Variants in CLIC4 observed in about 807,000 individuals in gnomAD.
CLIC4 encodes the protein CLIC family member 4, also known as chloride intracellular channel protein 4.
Under a neutral mutation model 24.6 loss-of-function variants are expected in CLIC4, and 13 were observed. The observed-to-expected ratio is 0.53, with a 90% CI of 0.34 to 0.84. CLIC4 has a LOEUF of 0.84. Among genes scored for constraint, CLIC4 ranks in the 40% least tolerant of loss-of-function variants. CLIC4 has a pLI of 0.01. For missense variants in CLIC4, 227 were observed against 301.7 expected, an observed-to-expected ratio of 0.75 and a Z score of 1.83; for synonymous variants, 104 against 111.3, an observed-to-expected ratio of 0.93 and a Z score of 0.41.
chr1:24,745,703 C>T (rs1638679870), intron 1 of CLIC4, 78 bp downstream of exon 1: 9 of 1,204,466 alleles, frequency 7.5e-6, no homozygotes, highest in Non-Finnish European at 1.0e-5. Context: ...TCCCGGGGCT[C>T]TCCTGAGGCG....
chr1:24,822,402 G>A (rs1207260691), intron 3 of CLIC4, among the ~76,000 whole-genome samples: 1 of 136,982 alleles, frequency 7.3e-6, no homozygotes, highest in African/African-American at 2.8e-5. Flanking sequence ...AGGCTGGAGT[G>A]CAGTGGCAGC....
chr1:24,815,880 C>G (rs758762180), intron 3 of CLIC4, among the ~76,000 whole-genome samples: 4 of 152,166 alleles, frequency 2.6e-5, no homozygotes, highest in Non-Finnish European at 5.9e-5. Context: ...AACCCTCCTG[C>G]TGTTTTAACA....
Position 24,840,798 on chromosome 1 carries a change from T to C in CLIC4, c.623T>C (p.Phe208Ser). 6.2e-7 allele frequency: 1 copy of C among 1,606,906 alleles called. No homozygotes were observed. ...GTGGTGGCCAAAAAATATCGCAACTTTGATATTCCAAAAGAAATGACTGGC... is the reference window on the plus strand; with the variant it reads ...GTGGTGGCCAAAAAATATCGCAACTCTGATATTCCAAAAGAAATGACTGGC... ...VKVVAKKYRNFDIPKEMTGIW... is the reference protein window; with the variant it reads ...VKVVAKKYRNSDIPKEMTGIW... Residue 208 changes from phenylalanine to serine, a missense_variant, in exon 6 of 6, where the codon TTT becomes TCT. Phe to Ser is a radical substitution (Grantham distance 155). Coordinates refer to ENST00000374379, the MANE Select transcript of CLIC4 (RefSeq NM_013943.3).
intron 1 of CLIC4, among the ~76,000 whole-genome samples, chr1:24,756,034 C>T (rs1227271023): frequency 8.0e-6 from 1 of 125,276 alleles, no homozygotes; most frequent in African/African-American, 3.1e-5. Context: ...GAGTCTTGCT[C>T]TGTCGCCCAG....
At chr1:24,789,461 T>A (rs930695317) in intron 1 of CLIC4, among the ~76,000 whole-genome samples, 19 of 152,308 alleles carry the variant, frequency 1.2e-4, no homozygotes, top group African/African-American at 4.6e-4. Context: ...GAGGTTGCAG[T>A]GAGCCGTGAT....
rs760478068 is a variant in CLIC4 at position 24,814,240 on chromosome 1, G to T, written c.308+21G>T. The T allele has an allele frequency of 8.1e-6, 13 of 1,599,684 alleles. No homozygotes were observed. The East Asian group carries it at 1.1e-4, about 14-fold the overall frequency. On this transcript the variant is annotated intron_variant, in intron 3 of 5. Coordinates refer to ENST00000374379, the MANE Select transcript of CLIC4 (RefSeq NM_013943.3). The stretch of plus-strand genomic sequence containing the variant: ...CCCAAGTGAGTATCAAGGAAAATAC[G>T]TATGAAAATATTGTCACTTCTTTGA...
chr1:24,761,521 C>A (rs1638927873), intron 1 of CLIC4, among the ~76,000 whole-genome samples: 1 of 152,056 alleles, frequency 6.6e-6, no homozygotes, highest in Non-Finnish European at 1.5e-5. Context: ...AAACAGAGAA[C>A]AAAAGTGAGC....
At chr1:24,758,187 A>T (rs1355620284) in intron 1 of CLIC4, among the ~76,000 whole-genome samples, 2 of 152,132 alleles carry the variant, frequency 1.3e-5, no homozygotes, top group East Asian at 3.8e-4. Flanking sequence ...TCTTTTTTCC[A>T]GTTATAAAAG....
At chr1:24,792,750 T>C (rs1442772851) in intron 1 of CLIC4, among the ~76,000 whole-genome samples, 1 of 152,212 alleles carries the variant, frequency 6.6e-6, no homozygotes, top group East Asian at 1.9e-4. Context: ...GCTTCTGATA[T>C]ACCTGAAACA....
chr1:24,818,779 T>TA (rs1639696632), intron 3 of CLIC4, among the ~76,000 whole-genome samples: 1 of 150,138 alleles, frequency 6.7e-6, no homozygotes, highest in Non-Finnish European at 1.5e-5. Context: ...GGAAAGGCTT[T>TA]AGAGAAGAGA....
At chr1:24,796,656 A>G (rs1301278810) in intron 1 of CLIC4, among the ~76,000 whole-genome samples, 1 of 152,240 alleles carries the variant, frequency 6.6e-6, no homozygotes, top group Non-Finnish European at 1.5e-5. Flanking sequence ...GTAGTAGGCT[A>G]TCTCATCTAG....
intron 1 of CLIC4, among the ~76,000 whole-genome samples, chr1:24,789,780 T>C (rs1173935908): frequency 6.6e-6 from 1 of 152,100 alleles, no homozygotes; most frequent in Admixed American, 6.6e-5. Context: ...CTGACATACA[T>C]CTTCTATTTT....
At chr1:24,835,171 C>T (rs7555134) in intron 4 of CLIC4, among the ~76,000 whole-genome samples, 50,824 of 152,088 alleles carry the variant, frequency 0.33, 8,851 homozygotes, top group Middle Eastern at 0.51. Flanking sequence ...CTATGGCTAG[C>T]ATGATCCTTT....
At chr1:24,801,734 T>A (rs1183196809) in intron 2 of CLIC4, among the ~76,000 whole-genome samples, 1 of 152,240 alleles carries the variant, frequency 6.6e-6, no homozygotes, top group Non-Finnish European at 1.5e-5. Flanking sequence ...GTCATTCCCT[T>A]AAAATACATT....
intron 3 of CLIC4, among the ~76,000 whole-genome samples, chr1:24,818,548 A>C (rs1639694774): frequency 6.6e-6 from 1 of 152,152 alleles, no homozygotes; most frequent in Admixed American, 6.5e-5. Context: ...CGGCCTCTCA[A>C]AGTGCTGGGA....
At chr1:24,823,496 C>T (rs568649988) in intron 3 of CLIC4, among the ~76,000 whole-genome samples, 46 of 152,170 alleles carry the variant, frequency 3.0e-4, no homozygotes, top group African/African-American at 1.0e-3. Context: ...ACATACAGGC[C>T]GGGTGTGGTA....
At chr1:24,750,188 G>C (rs1283345514) in intron 1 of CLIC4, among the ~76,000 whole-genome samples, 1 of 152,116 alleles carries the variant, frequency 6.6e-6, no homozygotes, top group Non-Finnish European at 1.5e-5. Flanking sequence ...AGGCTGCAGT[G>C]AGCTTATGAT....
At chr1:24,761,424 G>C (rs1050955531) in intron 1 of CLIC4, among the ~76,000 whole-genome samples, 2 of 152,164 alleles carry the variant, frequency 1.3e-5, no homozygotes, top group Non-Finnish European at 2.9e-5. Flanking sequence ...AGGATGAGTA[G>C]TAATTAGAAT....
intron 3 of CLIC4, among the ~76,000 whole-genome samples, chr1:24,824,297 C>G (rs1000429275): frequency 4.6e-5 from 7 of 152,060 alleles, no homozygotes; most frequent in African/African-American, 7.2e-5. Flanking sequence ...GAGACGCAGT[C>G]TCGCTCTGTC....
Sources: allele counts gnomAD v4.1 joint callset (sites outside exome capture counted in the v4.1 genomes callset), GRCh38; gene constraint gnomAD v4.1.1; transcripts MANE v1.5; gene names NCBI Gene and HGNC (gene_info 2026-07-23, HGNC 2026-07-21).